The following GRIK4 variants were observed in gnomAD, a reference collection of about 807,000 sequenced individuals.
GRIK4 encodes glutamate ionotropic receptor kainate type subunit 4.
In GRIK4, 40 loss-of-function variants were observed where a neutral mutation model predicts 104.9. The observed-to-expected ratio is 0.38, with a 90% CI of 0.30 to 0.50. The LOEUF is 0.50. GRIK4 is among the 20% of genes least tolerant of loss of function. The probability of loss-of-function intolerance (pLI) is 0.93; values close to 1 mark genes in which losing one functional copy is unlikely to be tolerated. For synonymous variants in GRIK4, 485 were observed against 524.9 expected, an observed-to-expected ratio of 0.92 and a Z score of 1.04; for missense variants, 1,047 against 1,308.1, an observed-to-expected ratio of 0.80 and a Z score of 3.08.
intron 3 of GRIK4, among the ~76,000 whole-genome samples, chr11:120,760,862 G>A (rs192994791): frequency 5.3e-5 from 8 of 152,116 alleles, no homozygotes; most frequent in Non-Finnish European, 1.0e-4. Context: ...TGGGCATTTG[G>A]GTTGGTTCCA....
At chr11:120,715,807 A>G (rs1950821064) in intron 3 of GRIK4, among the ~76,000 whole-genome samples, 1 of 152,146 alleles carries the variant, frequency 6.6e-6, no homozygotes, top group Non-Finnish European at 1.5e-5. Context: ...CACTTTTGAG[A>G]TAGAACTGGG....
rs1213246883 is a variant in GRIK4 at position 120,902,138 on chromosome 11, C to T, written c.1273-3152C>T. 6.6e-6 allele frequency among the ~76,000 whole-genome samples: 1 copy of T among 152,182 alleles called. No homozygotes were observed. The highest frequency in any genetic ancestry group is 2.4e-5 in the African/African-American group (1 of 41,442). The stretch of plus-strand genomic sequence containing the variant: ...CTCAGCACACATTCATGTTGTCTCC[C>T]CGCTCTGGTCAGGGCACACTTGGGG... On this transcript the variant is annotated intron_variant, in intron 12 of 20. Coordinates refer to ENST00000527524, the MANE Select transcript of GRIK4 (RefSeq NM_014619.5). This position sits in a 1 kb window ranked among gnomAD's most constrained non-coding sequence, Gnocchi z 4.5.
intron 14 of GRIK4, among the ~76,000 whole-genome samples, chr11:120,942,399 AG>A (rs1169593294): frequency 6.6e-6 from 1 of 152,140 alleles, no homozygotes; most frequent in East Asian, 1.9e-4. Context: ...AAAGAAATGG[AG>A]GCACACAGCC....
chr11:120,704,268 T>C (rs1238358336), intron 3 of GRIK4, among the ~76,000 whole-genome samples: 1 of 152,250 alleles, frequency 6.6e-6, no homozygotes, highest in African/African-American at 2.4e-5. Context: ...TGTGGTCTTA[T>C]GGCAAATGGG....
At chr11:120,564,952 TCCGGCGATCGGCTCCG>T (rs896216378) in intron 1 of GRIK4, among the ~76,000 whole-genome samples, 3 of 139,864 alleles carry the variant, frequency 2.1e-5, no homozygotes, top group Non-Finnish European at 3.1e-5. Context: ...GCCTCCCTTT[TCCGGCGATCGGCTCCG>T]CCGGCTGCGG....
chr11:120,894,018 G>C (rs1284482945), intron 11 of GRIK4, among the ~76,000 whole-genome samples: 1 of 152,144 alleles, frequency 6.6e-6, no homozygotes, highest in Non-Finnish European at 1.5e-5. Context: ...GTCCATCTCA[G>C]AGAAGAAGAG....
At chr11:120,943,693 A>G (rs1304947052) in intron 14 of GRIK4, among the ~76,000 whole-genome samples, 1 of 152,212 alleles carries the variant, frequency 6.6e-6, no homozygotes, top group East Asian at 1.9e-4. Context: ...ATAAGGATCG[A>G]GAATGTCTAT....
intron 6 of GRIK4, among the ~76,000 whole-genome samples, chr11:120,823,953 T>A (rs1953189040): frequency 6.6e-6 from 1 of 152,184 alleles, no homozygotes. Flanking sequence ...ATTAAAAATC[T>A]AATCAAGGGA....
At chr11:120,626,292 C>T (rs1364202483) in intron 1 of GRIK4, among the ~76,000 whole-genome samples, 2 of 152,160 alleles carry the variant, frequency 1.3e-5, no homozygotes, top group East Asian at 3.9e-4. Flanking sequence ...AAGTCTCTGC[C>T]ACCAAGGGAA....
chr11:120,631,819 C>T (rs113247864), intron 1 of GRIK4, among the ~76,000 whole-genome samples: 4 of 152,248 alleles, frequency 2.6e-5, no homozygotes, highest in African/African-American at 4.8e-5. Flanking sequence ...AGAGCTCCTA[C>T]GACACCACCG....
rs974455362 is a variant in GRIK4 at position 120,663,010 on chromosome 11, G to T, written c.82+2610G>T. On this transcript the variant is annotated intron_variant, in intron 3 of 20. Coordinates refer to ENST00000527524, the MANE Select transcript of GRIK4 (RefSeq NM_014619.5). ...GTTTACCCCTCGAATGAGGTTTTGG[G>T]TAAAAGAAAGGGATTTTATTTATGG... Among the ~76,000 whole-genome samples, 4 of 152,190 alleles carry T rather than the reference G, an allele frequency of 2.6e-5. No homozygotes were observed. The South Asian group carries it at 6.2e-4, about 24-fold the overall frequency.
intron 1 of GRIK4, among the ~76,000 whole-genome samples, chr11:120,569,711 C>T (rs1239135353): frequency 6.6e-6 from 1 of 152,142 alleles, no homozygotes; most frequent in African/African-American, 2.4e-5. Flanking sequence ...AGGGACTCCA[C>T]AGTGGCAGAG....
chr11:120,729,137 C>G (rs1276973579), intron 3 of GRIK4, among the ~76,000 whole-genome samples: 1 of 152,056 alleles, frequency 6.6e-6, no homozygotes, highest in East Asian at 1.9e-4. Context: ...GTATATGTAC[C>G]ACATTTTCTT....
chr11:120,670,542 C>A (rs1372151200), intron 3 of GRIK4, among the ~76,000 whole-genome samples: 1 of 152,206 alleles, frequency 6.6e-6, no homozygotes, highest in African/African-American at 2.4e-5. Flanking sequence ...GTGCTCCTGC[C>A]CCAGGGCCTT....
chr11:120,772,948 G>A (rs1296226396), intron 3 of GRIK4, among the ~76,000 whole-genome samples: 2 of 152,148 alleles, frequency 1.3e-5, no homozygotes, highest in Non-Finnish European at 2.9e-5. Context: ...AGGCAATGAG[G>A]ATATAAAGTT....
At position 120,879,782 on chromosome 11, in the gene GRIK4, C is replaced by G. The variant is rs116559537; in HGVS notation, c.1164+4539C>G. ...CCTCCAGTTTTTGCACATGCGAGAT[C>G]TCTGCTGTCCATCTCATATCCTCCC... On this transcript the variant is annotated intron_variant, in intron 11 of 20. Coordinates refer to ENST00000527524, the MANE Select transcript of GRIK4 (RefSeq NM_014619.5). Among the ~76,000 whole-genome samples, 598 of 152,314 alleles carry G rather than the reference C, an allele frequency of 3.9e-3. 4 individuals are homozygous for G. Among genetic ancestry groups the G allele is most frequent in the African/African-American group, 0.014 (571 of 41,558 alleles).
At position 120,957,947 on chromosome 11, in the gene GRIK4, G is replaced by A. The variant is rs533037058; in HGVS notation, c.1874+994G>A. Among the ~76,000 whole-genome samples, 15 of 152,286 alleles carry A rather than the reference G, an allele frequency of 9.8e-5. No homozygotes were observed. The South Asian group carries it at 2.5e-3, about 25-fold the overall frequency. On this transcript the variant is annotated intron_variant, in intron 16 of 20. Coordinates refer to ENST00000527524, the MANE Select transcript of GRIK4 (RefSeq NM_014619.5). The stretch of plus-strand genomic sequence containing the variant: ...AATGTAGCACGATTTAAACCTGGGC[G>A]AGATGCTTGCCTGTTACCAGATAGT...
chr11:120,628,349 C>T (rs1949287003), intron 1 of GRIK4, among the ~76,000 whole-genome samples: 1 of 152,188 alleles, frequency 6.6e-6, no homozygotes, highest in African/African-American at 2.4e-5. Context: ...TCCCAGGAGC[C>T]CCCAGCCACC....
intron 3 of GRIK4, among the ~76,000 whole-genome samples, chr11:120,795,399 C>T (rs114131333): frequency 1.8e-3 from 280 of 152,290 alleles, no homozygotes; most frequent in African/African-American, 6.6e-3. Context: ...ATCCACCCTG[C>T]GGATCCCTGT....
Sources: allele counts gnomAD v4.1 joint callset (sites outside exome capture counted in the v4.1 genomes callset), GRCh38; gene constraint gnomAD v4.1.1; non-coding constraint Gnocchi (gnomAD v3.1); transcripts MANE v1.5; gene names NCBI Gene and HGNC (gene_info 2026-07-23, HGNC 2026-07-21).